The following CLSTN2 variants were observed in gnomAD, a reference collection of about 807,000 sequenced individuals.
The protein encoded by CLSTN2 is calsyntenin 2.
Under a neutral mutation model 101.2 loss-of-function variants are expected in CLSTN2, and 48 were observed. That is an observed-to-expected ratio of 0.47 (90% CI 0.38 to 0.60). The LOEUF is 0.60. CLSTN2 is among the 20% of genes least tolerant of loss of function. The pLI, the probability that CLSTN2 is intolerant of heterozygous loss-of-function variation, is 0.00. For missense variants in CLSTN2, 1,160 were observed against 1,238.2 expected, an observed-to-expected ratio of 0.94 and a Z score of 0.95; for synonymous variants, 481 against 463.6, an observed-to-expected ratio of 1.04 and a Z score of -0.48.
At chr3:140,146,157 G>A (rs1261554460) in intron 1 of CLSTN2, among the ~76,000 whole-genome samples, 1 of 152,174 alleles carries the variant, frequency 6.6e-6, no homozygotes, top group Non-Finnish European at 1.5e-5. Flanking sequence ...GTATGAAGGA[G>A]CACAGAATTC....
chr3:140,563,859 G>A lies in CLSTN2; in HGVS notation c.2483-102G>A, dbSNP rs1335659639. 4.2e-6 allele frequency: 5 copies of A among 1,189,814 alleles called. No homozygotes were observed. In the Admixed American group the frequency reaches 5.4e-5, roughly 13 times the overall value. The allele number at this position is 1,189,814 out of a possible 1,614,324, so 73.7% of individuals were successfully genotyped here. A position where few individuals can be genotyped will look rare whatever the true frequency, so the allele number is the denominator to read the frequency against. The stretch of plus-strand genomic sequence containing the variant: ...AGAGTTCTACAGCTGGGAAGTGGTA[G>A]GGCAGACTTTATCCTATGCACGGAT... On this transcript the variant is annotated intron_variant, in intron 15 of 16. Transcript: ENST00000458420.
intron 1 of CLSTN2, among the ~76,000 whole-genome samples, chr3:140,130,680 A>C (rs1473905961): frequency 6.6e-6 from 1 of 152,202 alleles, no homozygotes; most frequent in Non-Finnish European, 1.5e-5. Context: ...TGGGAGAAGC[A>C]CAGGGGACTT....
chr3:140,459,403 G>A (rs1933499000), intron 6 of CLSTN2, 118 bp from the exon 7 acceptor site: 1 of 1,159,306 alleles, frequency 8.6e-7, no homozygotes, highest in Non-Finnish European at 1.2e-6. Context: ...ATAGCTCATG[G>A]TTAGGCACAG....
intron 2 of CLSTN2, among the ~76,000 whole-genome samples, chr3:140,248,338 T>C (rs912362215): frequency 2.0e-5 from 3 of 152,160 alleles, no homozygotes; most frequent in Non-Finnish European, 4.4e-5. Context: ...CTGATTCCTG[T>C]AGGTAGTAAA....
chr3:140,387,660 C>T (rs796081538), intron 2 of CLSTN2, among the ~76,000 whole-genome samples: 5 of 152,296 alleles, frequency 3.3e-5, no homozygotes, highest in African/African-American at 1.2e-4. Flanking sequence ...AGAAAAACAT[C>T]ACACATTTTC....
intron 1 of CLSTN2, among the ~76,000 whole-genome samples, chr3:140,171,492 G>A (rs946643152): frequency 1.0e-4 from 15 of 150,200 alleles, no homozygotes; most frequent in Non-Finnish European, 1.8e-4. Flanking sequence ...TGAAGGATGA[G>A]GCAGGAAGGG....
At chr3:140,563,031 G>A in intron 14 of CLSTN2, 49 bp from the exon 15 acceptor site, 1 of 1,611,318 alleles carries the variant, frequency 6.2e-7, no homozygotes, top group Non-Finnish European at 8.5e-7. Flanking sequence ...GCTGTAACTG[G>A]CCCACCTGCC....
At chr3:140,143,312 G>C (rs1026438892) in intron 1 of CLSTN2, among the ~76,000 whole-genome samples, 5 of 152,164 alleles carry the variant, frequency 3.3e-5, no homozygotes, top group Non-Finnish European at 7.3e-5. Context: ...AGGAAAGCTA[G>C]TGGTATAATT....
chr3:140,300,636 A>G (rs896143441), intron 2 of CLSTN2, among the ~76,000 whole-genome samples: 1 of 152,140 alleles, frequency 6.6e-6, no homozygotes, highest in African/African-American at 2.4e-5. Flanking sequence ...AGTAGGAGCT[A>G]GGTGGGCCCA....
At chr3:140,189,378 G>A (rs1460674553) in intron 2 of CLSTN2, among the ~76,000 whole-genome samples, 1 of 152,126 alleles carries the variant, frequency 6.6e-6, no homozygotes, top group Non-Finnish European at 1.5e-5. Flanking sequence ...CAGTGTATAA[G>A]TGATACAGTT....
At chr3:139,999,143 G>A (rs1447341279) in intron 1 of CLSTN2, among the ~76,000 whole-genome samples, 1 of 152,130 alleles carries the variant, frequency 6.6e-6, no homozygotes, top group Admixed American at 6.5e-5. Context: ...TGTGGTGATG[G>A]CCCCAAGGAC....
chr3:140,050,929 CAG>C (rs1248495672), intron 1 of CLSTN2, among the ~76,000 whole-genome samples: 1 of 152,278 alleles, frequency 6.6e-6, no homozygotes, highest in African/African-American at 2.4e-5. Flanking sequence ...GAAGGCTAAA[CAG>C]GGGTAAACAA....
rs144912465 is a variant in CLSTN2 at position 139,972,781 on chromosome 3, G to T, written c.109+37298G>T. 3.9e-5 allele frequency among the ~76,000 whole-genome samples: 6 copies of T among 152,314 alleles called. No individual in the cohort carries two copies. The East Asian group carries it at 1.2e-3, about 29-fold the overall frequency. On this transcript the variant is annotated intron_variant, in intron 1 of 16. Transcript: ENST00000458420. Reference sequence around the variant, plus strand: ...ACCTCCTGCTGCCTTCCGCCAGGAAGAAGAGTGTGAGGACTGTAGAACCAC... The same window carrying T: ...ACCTCCTGCTGCCTTCCGCCAGGAATAAGAGTGTGAGGACTGTAGAACCAC...
At chr3:140,211,204 C>T (rs916222127) in intron 2 of CLSTN2, among the ~76,000 whole-genome samples, 1 of 151,862 alleles carries the variant, frequency 6.6e-6, no homozygotes, top group African/African-American at 2.4e-5. Flanking sequence ...ACAGATCATT[C>T]CCCTTCCTGG....
intron 5 of CLSTN2, among the ~76,000 whole-genome samples, chr3:140,445,787 T>C (rs947654221): frequency 6.6e-6 from 1 of 152,080 alleles, no homozygotes; most frequent in African/African-American, 2.4e-5. Flanking sequence ...AGCAAATATT[T>C]CCTATCAAAA....
chr3:140,277,428 TGA>T (rs1228419965), intron 2 of CLSTN2, among the ~76,000 whole-genome samples: 2 of 152,228 alleles, frequency 1.3e-5, no homozygotes, highest in Admixed American at 6.5e-5. Flanking sequence ...GCACTGGGCC[TGA>T]GACAGATTCC....
chr3:140,356,756 CAAAAAAAA>C (rs55634580), intron 2 of CLSTN2, among the ~76,000 whole-genome samples: 3 of 111,144 alleles, frequency 2.7e-5, no homozygotes, highest in African/African-American at 1.1e-4. Context: ...GACCTTGTCT[CAAAAAAAA>C]AAAAAAAAAA....
At chr3:140,522,983 G>A (rs765581530) in intron 8 of CLSTN2, among the ~76,000 whole-genome samples, 3 of 152,160 alleles carry the variant, frequency 2.0e-5, no homozygotes, top group Non-Finnish European at 2.9e-5. Flanking sequence ...TCTAACACAT[G>A]CCCTAAGCTG....
intron 1 of CLSTN2, among the ~76,000 whole-genome samples, chr3:140,049,995 G>C (rs139617058): frequency 4.3e-4 from 65 of 152,260 alleles, no homozygotes; most frequent in Middle Eastern, 3.4e-3. Context: ...ACCAAAGGAA[G>C]GTACCTGGAT....
Sources: gnomAD v4.1 joint callset for allele counts (sites outside exome capture counted in the v4.1 genomes callset) on GRCh38, gnomAD v4.1.1 for gene constraint, MANE v1.5 for transcripts, NCBI Gene and HGNC (gene_info 2026-07-23, HGNC 2026-07-21) for gene names.